ADCY5: variants seen among roughly 807,000 people sequenced by gnomAD.
ADCY5 encodes adenylate cyclase 5, also known as adenylate cyclase type 5.
In ADCY5, 30 loss-of-function variants were observed where a neutral mutation model predicts 119.7. That is an observed-to-expected ratio of 0.25 (90% CI 0.19 to 0.34). The LOEUF (loss-of-function observed/expected upper bound fraction) is 0.34, where lower values mean the gene tolerates loss of function less well. Ranked by LOEUF, ADCY5 falls within the 10% of genes least tolerant of loss-of-function variation. ADCY5 has a pLI of 1.00. For missense variants in ADCY5, 1,324 were observed against 1,775.2 expected (o/e 0.75, Z 4.57); for synonymous variants, 753 against 762.2 (o/e 0.99, Z 0.20).
At chr3:123,367,898 A>AC in intron 1 of ADCY5, 1 of 1,534,736 alleles carries the variant, frequency 6.5e-7, no homozygotes, top group Non-Finnish European at 8.7e-7. Context: ...CCAAGTGCTT[A>AC]CCTTACCTCC....
chr3:123,297,165 T>A, intron 16 of ADCY5, 188 bp downstream of exon 16: 1 of 1,362,364 alleles, frequency 7.3e-7, no homozygotes, highest in Non-Finnish European at 1.0e-6. Context: ...ATCATGAAAG[T>A]GACCAGGGCC....
intron 1 of ADCY5, among the ~76,000 whole-genome samples, chr3:123,396,822 G>GAGAGAGAGAC (rs1559860825): frequency 0.013 from 1,785 of 140,706 alleles, 122 homozygotes; most frequent in African/African-American, 0.041. Context: ...AGGCAGGCGA[G>GAGAGAGAGAC]AGAGAGAGAG....
chr3:123,424,866 A>G (rs977056392), intron 1 of ADCY5, among the ~76,000 whole-genome samples: 1 of 152,248 alleles, frequency 6.6e-6, no homozygotes, highest in Admixed American at 6.5e-5. Flanking sequence ...AAATAGCCTC[A>G]AAGGAGCTGA....
At chr3:123,309,169 C>T (rs1421282207) in intron 12 of ADCY5, among the ~76,000 whole-genome samples, 3 of 152,170 alleles carry the variant, frequency 2.0e-5, no homozygotes, top group African/African-American at 7.2e-5. Context: ...GAAGACCTCC[C>T]CGGGCCCCTG....
chr3:123,314,201 A>T, intron 12 of ADCY5, 34 bp downstream of exon 12: 1 of 1,551,226 alleles, frequency 6.4e-7, no homozygotes, highest in South Asian at 1.1e-5. Flanking sequence ...AGCGGGAAGA[A>T]GGTGGCTGCA....
chr3:123,371,816 G>A (rs1349775629), intron 1 of ADCY5, among the ~76,000 whole-genome samples: 2 of 152,226 alleles, frequency 1.3e-5, no homozygotes, highest in Admixed American at 6.5e-5. Flanking sequence ...CACAGTGAAG[G>A]GCAGAAAAGC....
intron 1 of ADCY5, among the ~76,000 whole-genome samples, chr3:123,397,468 C>G (rs1038197079): frequency 1.3e-5 from 2 of 152,228 alleles, no homozygotes; most frequent in Non-Finnish European, 2.9e-5. Flanking sequence ...AAGACTCTGT[C>G]TCTACAAAAA....
In ADCY5 at chr3:123,416,271, T is replaced by A. The variant is rs1413015593; in HGVS notation, c.1134+31141A>T. ...AGCCCTCTTTCTGAGACTTCATTCC[T>A]CAGGACTTACTTCCAGACGCTTCCC... On this transcript the variant is annotated intron_variant, in intron 1 of 20. Coordinates refer to ENST00000462833, the MANE Select transcript of ADCY5 (RefSeq NM_183357.3). The A allele has an allele frequency of 2.0e-6, 3 of 1,535,998 alleles. No homozygotes were observed. The African/African-American group carries it at 4.1e-5, about 21-fold the overall frequency.
chr3:123,297,025 C>A, intron 16 of ADCY5: 1 of 1,536,124 alleles, frequency 6.5e-7, no homozygotes. Flanking sequence ...AGCTTCCATT[C>A]TCCTGTGTCT....
intron 1 of ADCY5, among the ~76,000 whole-genome samples, chr3:123,394,584 A>G (rs1455179409): frequency 6.6e-6 from 1 of 152,216 alleles, no homozygotes; most frequent in Non-Finnish European, 1.5e-5. Context: ...AGCAAACTGG[A>G]AGGGAAGGTA....
At chr3:123,296,896 C>G (rs868353073) in intron 16 of ADCY5, 10 of 1,191,790 alleles carry the variant, frequency 8.4e-6, no homozygotes, top group Middle Eastern at 5.3e-4. Context: ...GAAGGCTGCA[C>G]AGAGGCTCCA....
At position 123,286,834 on chromosome 3, in the gene ADCY5, A is replaced by T; in HGVS notation, c.3533-25T>A. The T allele has an allele frequency of 6.4e-7, 1 of 1,572,128 alleles. No homozygotes were observed. Among genetic ancestry groups the T allele is most frequent in the Non-Finnish European group, 8.6e-7 (1 of 1,161,376 alleles). ...CCTGCAGGGGACAGGAATCAGCCAC[A>T]GTCATCACATCTCTGGCTTGACCTT... On this transcript the variant is annotated intron_variant, in intron 19 of 20. Transcript: ENST00000462833. This position sits in a 1 kb window ranked among gnomAD's most constrained non-coding sequence, Gnocchi z 4.2.
intron 17 of ADCY5, 74 bp downstream of exon 17, chr3:123,296,010 G>T: frequency 6.3e-7 from 1 of 1,578,316 alleles, no homozygotes; most frequent in Non-Finnish European, 8.6e-7. Flanking sequence ...GCCTGGCCCA[G>T]CAGACGAGCC....
At chr3:123,395,949 G>GAGAC (rs1415678853) in intron 1 of ADCY5, among the ~76,000 whole-genome samples, 1 of 135,266 alleles carries the variant, frequency 7.4e-6, no homozygotes, top group African/African-American at 2.8e-5. Flanking sequence ...GAAGGAAGGA[G>GAGAC]AGACAGAGAG....
chr3:123,359,632 A>C (rs750785382), intron 1 of ADCY5, among the ~76,000 whole-genome samples: 5 of 151,872 alleles, frequency 3.3e-5, no homozygotes, highest in Non-Finnish European at 7.4e-5. Context: ...GATTTTCCAA[A>C]TCCATCCAAA....
chr3:123,396,697 AG>A (rs1944584911), intron 1 of ADCY5, among the ~76,000 whole-genome samples: 1 of 145,758 alleles, frequency 6.9e-6, no homozygotes, highest in African/African-American at 2.5e-5. Context: ...AAAGAGAGAG[AG>A]AGAGGGAGGG....
At chr3:123,345,687 C>T (rs966738042) in intron 3 of ADCY5, among the ~76,000 whole-genome samples, 2 of 151,802 alleles carry the variant, frequency 1.3e-5, no homozygotes, top group Non-Finnish European at 2.9e-5. Flanking sequence ...TTAAGAACTG[C>T]CATCAGACAG....
intron 8 of ADCY5, among the ~76,000 whole-genome samples, chr3:123,324,219 C>T (rs1321356461): frequency 3.3e-5 from 5 of 152,116 alleles, no homozygotes; most frequent in East Asian, 1.9e-4. Flanking sequence ...AGGAGCAGAG[C>T]GACTGGGTCC....
chr3:123,385,355 T>C (rs567765012), intron 1 of ADCY5, among the ~76,000 whole-genome samples: 53 of 152,094 alleles, frequency 3.5e-4, no homozygotes, highest in African/African-American at 1.3e-3. Context: ...TGTGAGTATG[T>C]GGGAGCAGGG....
Sources: gnomAD v4.1 joint callset for allele counts (sites outside exome capture counted in the v4.1 genomes callset) on GRCh38, gnomAD v4.1.1 for gene constraint, Gnocchi (gnomAD v3.1) non-coding constraint, MANE v1.5 for transcripts, NCBI Gene and HGNC (gene_info 2026-07-23, HGNC 2026-07-21) for gene names.